The following ABL1 variants were observed in gnomAD, a reference collection of about 807,000 sequenced individuals.
ABL1 encodes ABL proto-oncogene 1, non-receptor tyrosine kinase, also known as tyrosine-protein kinase ABL1.
Under a neutral mutation model 94.7 loss-of-function variants are expected in ABL1, and 11 were observed. The observed-to-expected ratio is 0.12, with a 90% confidence interval of 0.07 to 0.19. ABL1 has a LOEUF of 0.19. Among genes scored for constraint, ABL1 ranks in the 10% least tolerant of loss-of-function variants. The probability of loss-of-function intolerance (pLI) is 1.00; values close to 1 mark genes in which losing one functional copy is unlikely to be tolerated. For missense variants in ABL1, 1,082 were observed against 1,489.4 expected (o/e 0.73, Z 4.50); for synonymous variants, 656 against 622.4 (o/e 1.05, Z -0.80).
At position 130,878,557 on chromosome 9, in the gene ABL1, C is replaced by T; in HGVS notation, c.1413C>T (p.Leu471=). The part of the protein sequence containing the change: ...PEGCPEKVYE[L]MRACWQWNPS... Reference sequence around the variant, plus strand: ...GCTGCCCAGAGAAGGTCTATGAACTCATGCGAGCATGTAAGCCTTCCTCAG... The same window carrying T: ...GCTGCCCAGAGAAGGTCTATGAACTTATGCGAGCATGTAAGCCTTCCTCAG... The change falls in exon 8 of 11, where the codon CTC becomes CTT. Residue 471 remains leucine (L), a synonymous_variant. Coordinates refer to ENST00000318560, the MANE Select transcript of ABL1 (RefSeq NM_005157.6). The T allele has an allele frequency of 6.2e-7, 1 of 1,614,138 alleles. No homozygotes were observed. The highest frequency in any genetic ancestry group is 2.2e-5 in the East Asian group (1 of 44,882).
At chr9:130,723,843 GCT>G (rs1488483726) in intron 1 of ABL1, among the ~76,000 whole-genome samples, 3 of 150,976 alleles carry the variant, frequency 2.0e-5, no homozygotes, top group African/African-American at 7.3e-5. Flanking sequence ...ATGGAGTCTC[GCT>G]CTGTCACCCA....
At chr9:130,818,294 AC>A (rs1187070696) in intron 1 of ABL1, among the ~76,000 whole-genome samples, 2 of 152,244 alleles carry the variant, frequency 1.3e-5, no homozygotes, top group East Asian at 3.9e-4. Flanking sequence ...ACATGGCGAA[AC>A]CCTGTCTCTA....
chr9:130,857,797 A>G (rs1452175877), intron 3 of ABL1, among the ~76,000 whole-genome samples: 1 of 152,008 alleles, frequency 6.6e-6, no homozygotes, highest in African/African-American at 2.4e-5. Context: ...TTTAGTACCA[A>G]CACTGCAGTG....
Position 130,714,635 on chromosome 9 carries a change from G to A in ABL1, c.136+180G>A. On this transcript the variant is annotated intron_variant, in intron 1 of 10. Coordinates refer to the ABL1 transcript ENST00000372348. ...TAAGAAAAAGTTACTTCGTGACTTC[G>A]GCTTTATTCAAAATCTATTTGAGTT... 3 of 824,302 alleles carry A rather than the reference G, an allele frequency of 3.6e-6. No homozygotes were observed. In the South Asian group the frequency reaches 4.3e-5, roughly 12 times the overall value. The allele number at this position is 824,302 out of a possible 1,614,324, so 51.1% of individuals were successfully genotyped here.
At chr9:130,813,171 C>T (rs985332146) in intron 1 of ABL1, among the ~76,000 whole-genome samples, 2 of 145,394 alleles carry the variant, frequency 1.4e-5, no homozygotes, top group African/African-American at 5.1e-5. Context: ...GCCGAGATTG[C>T]ACTACTGCAC....
At chr9:130,789,648 C>T (rs889913185) in intron 1 of ABL1, among the ~76,000 whole-genome samples, 6 of 152,094 alleles carry the variant, frequency 3.9e-5, no homozygotes, top group Admixed American at 1.3e-4. Context: ...AGTTAATTTA[C>T]TACCTTTGGG....
intron 1 of ABL1, among the ~76,000 whole-genome samples, chr9:130,808,980 G>A (rs1830168110): frequency 6.6e-6 from 1 of 152,184 alleles, no homozygotes; most frequent in Non-Finnish European, 1.5e-5. Context: ...CTGATTTAAT[G>A]CTCGGAGAAA....
intron 3 of ABL1, among the ~76,000 whole-genome samples, chr9:130,859,586 GC>G (rs1831031312): frequency 6.6e-6 from 1 of 151,538 alleles, no homozygotes; most frequent in African/African-American, 2.4e-5. Context: ...GGACTCCCGG[GC>G]CCAAAGCAGC....
At chr9:130,828,312 G>C (rs188753226) in intron 1 of ABL1, among the ~76,000 whole-genome samples, 1 of 22,540 alleles carries the variant, frequency 4.4e-5, no homozygotes. Flanking sequence ...TGATCCTCCT[G>C]CCTCAGCCTC....
At chr9:130,761,220 G>A (rs1382782908) in intron 1 of ABL1, among the ~76,000 whole-genome samples, 1 of 152,224 alleles carries the variant, frequency 6.6e-6, no homozygotes, top group East Asian at 1.9e-4. Context: ...ACCCGCCTTG[G>A]CCTCCCAAAG....
chr9:130,875,081 C>A (rs1295381088), intron 7 of ABL1, 29 bp downstream of exon 7: 17 of 1,608,914 alleles, frequency 1.1e-5, no homozygotes, highest in Non-Finnish European at 1.4e-5. Flanking sequence ...CTGAAGTGGT[C>A]CTTCCTGACT....
chr9:130,766,699 C>T (rs773572877), intron 1 of ABL1, among the ~76,000 whole-genome samples: 1 of 152,136 alleles, frequency 6.6e-6, no homozygotes, highest in Non-Finnish European at 1.5e-5. Flanking sequence ...TTGTCCGATA[C>T]AGTCACAAGT....
intron 1 of ABL1, chr9:130,724,811 G>T: frequency 2.1e-6 from 1 of 486,546 alleles, no homozygotes; most frequent in Non-Finnish European, 4.1e-6. Context: ...TGCAACAGCT[G>T]CCCTTTTGGG....
rs373455783 is a variant in ABL1, at chr9:130,771,732, T to TTTTCTTTC, written c.136+57293_136+57300dup. Among the ~76,000 whole-genome samples, 214 of 119,730 alleles carry TTTTCTTTC rather than the reference T, an allele frequency of 1.8e-3. 3 individuals carry two copies. The highest frequency in any genetic ancestry group is 4.5e-3 in the Middle Eastern group (1 of 220). The allele number at this position is 119,730 out of a possible 152,430, so 78.5% of individuals were successfully genotyped here. On this transcript the variant is annotated intron_variant, in intron 1 of 10. Coordinates refer to the ABL1 transcript ENST00000372348. Reference sequence around the variant, plus strand: ...GTATAGTTTCCTTGGTCAAATGACTTTTTCTTTCTTTCTTTCTTTCTTTTT... The same window carrying TTTTCTTTC: ...GTATAGTTTCCTTGGTCAAATGACTTTTTCTTTCTTTCTTTCTTTCTTTCTTTCTTTTT...
rs1830564342 is a variant in ABL1 at position 130,835,671 on chromosome 9, C to G, written c.79+146C>G. 1 of 575,350 alleles carries G rather than the reference C, an allele frequency of 1.7e-6. No homozygotes were observed. Among genetic ancestry groups the G allele is most frequent in the Non-Finnish European group, 3.1e-6 (1 of 320,936 alleles). 35.6% of individuals were successfully genotyped at this position (575,350 alleles called of 1,614,324 possible). Reference sequence around the variant, plus strand: ...TTTTCTTTCTTCCCTCTTCTCTTCTCTTCTCTTCAGTTCTCTTATATTCTG... The same window carrying G: ...TTTTCTTTCTTCCCTCTTCTCTTCTGTTCTCTTCAGTTCTCTTATATTCTG... On this transcript the variant is annotated intron_variant, in intron 1 of 10. Coordinates refer to ENST00000318560, the MANE Select transcript of ABL1 (RefSeq NM_005157.6). The surrounding 1 kb of genome is among the most constrained non-coding windows in gnomAD (Gnocchi z 4.6).
chr9:130,839,370 GCT>G (rs1428581818), intron 1 of ABL1, among the ~76,000 whole-genome samples: 3 of 152,192 alleles, frequency 2.0e-5, no homozygotes, highest in Non-Finnish European at 4.4e-5. Flanking sequence ...CTTGCTTTCT[GCT>G]CTCTCCTGAG....
intron 1 of ABL1, among the ~76,000 whole-genome samples, chr9:130,736,004 G>A (rs1831737244): frequency 1.4e-5 from 2 of 143,298 alleles, no homozygotes; most frequent in South Asian, 4.4e-4. Flanking sequence ...TATGCAGGCT[G>A]GAGTGCAGTG....
At chr9:130,766,387 T>C (rs1832183589) in intron 1 of ABL1, among the ~76,000 whole-genome samples, 2 of 152,102 alleles carry the variant, frequency 1.3e-5, no homozygotes, top group Non-Finnish European at 2.9e-5. Flanking sequence ...GTGGTAAACA[T>C]GCAGTGAAGG....
intron 1 of ABL1, among the ~76,000 whole-genome samples, chr9:130,802,901 T>G (rs1007942935): frequency 6.6e-6 from 1 of 152,316 alleles, no homozygotes; most frequent in East Asian, 1.9e-4. Context: ...CTCTCTGAGA[T>G]CTTTAGTCTG....
Sources: allele counts gnomAD v4.1 joint callset (sites outside exome capture counted in the v4.1 genomes callset), GRCh38; gene constraint gnomAD v4.1.1; non-coding constraint Gnocchi (gnomAD v3.1); transcripts MANE v1.5; gene names NCBI Gene and HGNC (gene_info 2026-07-23, HGNC 2026-07-21).